Variants in VPS37C observed in about 807,000 individuals in gnomAD.
VPS37C encodes vacuolar protein sorting-associated protein 37C.
In VPS37C, 9 loss-of-function variants were observed where a neutral mutation model predicts 16.1. The observed-to-expected ratio is 0.56, with a 90% CI of 0.34 to 0.97. The LOEUF (loss-of-function observed/expected upper bound fraction) is 0.97, where lower values mean the gene tolerates loss of function less well. Among genes scored for constraint, VPS37C ranks in the 50% least tolerant of loss-of-function variants. The pLI, the probability that VPS37C is intolerant of heterozygous loss-of-function variation, is 0.02. For missense variants in VPS37C, 479 were observed against 472.7 expected, an observed-to-expected ratio of 1.01 and a Z score of -0.12; for synonymous variants, 207 against 206.4, an observed-to-expected ratio of 1.00 and a Z score of -0.02.
chr11:61,131,497 G>T lies in VPS37C; in HGVS notation c.*323C>A. ...CTGGGTTCAAATGGCCCTGAGTGCA[G>T]CCGCAAGTAGATGCTCATAAATGCG... is the stretch of plus-strand genomic sequence containing the variant. On this transcript the variant is annotated 3_prime_UTR_variant, in exon 5 of 5. Coordinates refer to ENST00000301765, the MANE Select transcript of VPS37C (RefSeq NM_017966.5). 1 of 278,516 alleles carries T rather than the reference G, an allele frequency of 3.6e-6. No homozygotes were observed. Among genetic ancestry groups the T allele is most frequent in the East Asian group, 6.1e-5 (1 of 16,366 alleles). The allele number at this position is 278,516 out of a possible 1,614,324, so 17.3% of individuals were successfully genotyped here. A position where few individuals can be genotyped will look rare whatever the true frequency, so the allele number is the denominator to read the frequency against.
intron 1 of VPS37C, among the ~76,000 whole-genome samples, chr11:61,158,172 G>A (rs372557535): frequency 9.8e-5 from 15 of 152,288 alleles, no homozygotes; most frequent in South Asian, 4.1e-4. Flanking sequence ...ATTCATACAC[G>A]GAATATAATA....
chr11:61,154,192 A>C (rs1303389967), intron 1 of VPS37C, among the ~76,000 whole-genome samples: 1 of 152,234 alleles, frequency 6.6e-6, no homozygotes, highest in African/African-American at 2.4e-5. Context: ...TATACAATAA[A>C]AATTACCAGA....
intron 1 of VPS37C, among the ~76,000 whole-genome samples, chr11:61,154,581 GAGC>G (rs1853350474): frequency 6.6e-6 from 1 of 151,926 alleles, no homozygotes; most frequent in Admixed American, 6.6e-5. Context: ...GAGAGCTATG[GAGC>G]AACCTCTAGC....
At position 61,157,071 on chromosome 11, in the gene VPS37C, T is replaced by C. The variant is rs114612056; in HGVS notation, c.-7+4320A>G. 7.5e-3 allele frequency among the ~76,000 whole-genome samples: 1,140 copies of C among 152,390 alleles called. 21 individuals are homozygous for C. Among genetic ancestry groups the C allele is most frequent in the African/African-American group, 0.025 (1,021 of 41,588 alleles). On this transcript the variant is annotated intron_variant, in intron 1 of 4. Transcript: ENST00000301765. ...GTATTACAGGATGTATCAAACGTTC[T>C]TTCCTTTTTAAGACTGAATAATATT...
In VPS37C at chr11:61,132,019, C is replaced by A; in HGVS notation, c.869G>T (p.Arg290Met). 7.3e-7 allele frequency: 1 copy of A among 1,375,290 alleles called. No homozygotes were observed. The highest frequency in any genetic ancestry group is 1.9e-5 in the South Asian group (1 of 53,866). The allele number at this position is 1,375,290 out of a possible 1,614,324, so 85.2% of individuals were successfully genotyped here. A position where few individuals can be genotyped will look rare whatever the true frequency, so the allele number is the denominator to read the frequency against. The change falls in exon 5 of 5, where the codon AGG becomes ATG. Residue 290 changes from arginine (R) to methionine (M), a missense_variant. Physicochemically the swap from Arg to Met is moderately conservative, Grantham distance 91. Coordinates refer to ENST00000301765, the MANE Select transcript of VPS37C (RefSeq NM_017966.5). Reference protein sequence around the residue: ...SGPGYPLRGGRAPSPGYPQQS... With the variant: ...SGPGYPLRGGMAPSPGYPQQS... ...TTGAGGATAACCAGGACTGGGGGCC[C>A]TGCCTCCCCGCAAGGGGTACCCAGG...
intron 2 of VPS37C, among the ~76,000 whole-genome samples, chr11:61,134,521 G>T (rs1861332083): frequency 6.6e-6 from 1 of 152,204 alleles, no homozygotes. Flanking sequence ...CCAAGGAGGG[G>T]GTGGACCAAT....
intron 1 of VPS37C, among the ~76,000 whole-genome samples, chr11:61,156,019 T>C (rs1449017672): frequency 6.6e-6 from 1 of 152,090 alleles, no homozygotes; most frequent in Non-Finnish European, 1.5e-5. Flanking sequence ...CGCTTGAAGA[T>C]AGGCTGTAGC....
chr11:61,132,651 C>A, intron 4 of VPS37C, 112 bp from the exon 5 acceptor site: 2 of 1,408,968 alleles, frequency 1.4e-6, no homozygotes, highest in Admixed American at 4.9e-5. Flanking sequence ...GCCTCAGGCA[C>A]CCCCTCCTCT....
At chr11:61,151,661 G>C (rs912893559) in intron 1 of VPS37C, among the ~76,000 whole-genome samples, 2 of 152,166 alleles carry the variant, frequency 1.3e-5, no homozygotes, top group African/African-American at 4.8e-5. Flanking sequence ...CAGACACTCA[G>C]CCCATTCTTA....
chr11:61,152,171 C>T (rs1158842383), intron 1 of VPS37C, among the ~76,000 whole-genome samples: 2 of 152,070 alleles, frequency 1.3e-5, no homozygotes, highest in Admixed American at 1.3e-4. Flanking sequence ...GTTCAAAGCC[C>T]AAGATGATAA....
At chr11:61,156,780 C>T (rs1224760160) in intron 1 of VPS37C, among the ~76,000 whole-genome samples, 2 of 152,146 alleles carry the variant, frequency 1.3e-5, no homozygotes, top group African/African-American at 4.8e-5. Context: ...GTATACAGTT[C>T]TTTCACATTA....
At chr11:61,158,885 A>G (rs1260572930) in intron 1 of VPS37C, among the ~76,000 whole-genome samples, 2 of 152,262 alleles carry the variant, frequency 1.3e-5, no homozygotes, top group Non-Finnish European at 2.9e-5. Context: ...CTTTACAGCT[A>G]GCAAAACCTC....
chr11:61,161,406 T>TCGC lies in VPS37C; in HGVS notation c.-25_-23dup, dbSNP rs1445417954. ...CTCCGCTCACCTGCCAGGGCCGCCGTCGCCGCCGCCACCGCGGGTTAAACC... is the reference window on the plus strand; with the variant it reads ...CTCCGCTCACCTGCCAGGGCCGCCGTCGCCGCCGCCGCCACCGCGGGTTAAACC... On this transcript the variant is annotated 5_prime_UTR_variant, in exon 1 of 5. Transcript: ENST00000301765. 1 of 154,600 alleles carries TCGC rather than the reference T, an allele frequency of 6.5e-6. No homozygotes were observed. Among genetic ancestry groups the TCGC allele is most frequent in the African/African-American group, 2.4e-5 (1 of 41,334 alleles). 9.6% of individuals were successfully genotyped at this position (154,600 alleles called of 1,614,324 possible).
rs768354431 is a variant in VPS37C at position 61,133,130 on chromosome 11, C to T, written c.348+125G>A. The T allele has an allele frequency of 2.9e-6, 3 of 1,049,418 alleles. No homozygotes were observed. The Admixed American group carries it at 5.9e-5, about 21-fold the overall frequency. The allele number at this position is 1,049,418 out of a possible 1,614,324, so 65.0% of individuals were successfully genotyped here. On this transcript the variant is annotated intron_variant, in intron 4 of 4. Transcript: ENST00000301765. Reference sequence around the variant, plus strand: ...TCCCCAGGACTAAAGATGTCCTTCACCTCTGCCATCTACGAAAGCTCCCTT... The same window carrying T: ...TCCCCAGGACTAAAGATGTCCTTCATCTCTGCCATCTACGAAAGCTCCCTT...
chr11:61,132,500 C>T lies in VPS37C; in HGVS notation c.388G>A (p.Glu130Lys). ...EKFLEGEVPL[E>K]TFLENFSSMR... The stretch of plus-strand genomic sequence containing the variant: ...GAGGAAAAATTCTCCAGGAACGTTT[C>T]CAGGGGCACCTCGCCCTCCAGGAAC... The change falls in exon 5 of 5, where the codon GAA (glutamate) becomes AAA (lysine). Residue 130 changes from glutamate to lysine, a missense_variant. By Grantham distance (56) the Glu-to-Lys change is moderately conservative. Transcript: ENST00000301765. The T allele has an allele frequency of 6.2e-7, 1 of 1,610,254 alleles. No homozygotes were observed. Among genetic ancestry groups the T allele is most frequent in the African/African-American group, 1.3e-5 (1 of 74,916 alleles).
intron 1 of VPS37C, among the ~76,000 whole-genome samples, chr11:61,151,374 G>A (rs1010380280): frequency 5.3e-5 from 8 of 152,194 alleles, no homozygotes; most frequent in Non-Finnish European, 8.8e-5. Context: ...CAGGAGCCCC[G>A]GCAGCACAGG....
chr11:61,133,882 T>C (rs1365063015), intron 3 of VPS37C, among the ~76,000 whole-genome samples, 154 bp downstream of exon 3: 1 of 152,244 alleles, frequency 6.6e-6, no homozygotes, highest in Non-Finnish European at 1.5e-5. Context: ...GAGCCTCATT[T>C]TTCTTACCTA....
intron 1 of VPS37C, chr11:61,161,167 C>A (rs1428940927): frequency 6.6e-6 from 1 of 152,276 alleles, no homozygotes; most frequent in Admixed American, 6.5e-5. Context: ...GCCGGGGAGC[C>A]GGGGCGGCGC....
chr11:61,147,108 G>A, intron 1 of VPS37C, among the ~76,000 whole-genome samples: 1 of 152,190 alleles, frequency 6.6e-6, no homozygotes. Context: ...ATTCAGGTGT[G>A]ACCTGAATTG....
Sources: gnomAD v4.1 joint callset for allele counts (sites outside exome capture counted in the v4.1 genomes callset) on GRCh38, gnomAD v4.1.1 for gene constraint, MANE v1.5 for transcripts, NCBI Gene and HGNC (gene_info 2026-07-23, HGNC 2026-07-21) for gene names.